Variants in RBFOX1 observed in about 807,000 individuals in gnomAD.
RBFOX1 encodes RNA binding fox-1 homolog 1, also known as RNA binding protein fox-1 homolog 1.
A neutral mutation model predicts 57.7 loss-of-function variants in RBFOX1; 8 were observed. That is an observed-to-expected ratio of 0.14 (90% CI 0.08 to 0.25). The LOEUF is 0.25. Ranked by LOEUF, RBFOX1 falls within the 10% of genes least tolerant of loss-of-function variation. The probability of loss-of-function intolerance (pLI) is 1.00; values close to 1 mark genes in which losing one functional copy is unlikely to be tolerated. For synonymous variants in RBFOX1, 326 were observed against 222.4 expected, an observed-to-expected ratio of 1.47 and a Z score of -4.15; for missense variants, 611 against 548.5, an observed-to-expected ratio of 1.11 and a Z score of -1.14.
In RBFOX1 at chr16:7,165,573, G is replaced by A. The variant is rs529926687; in HGVS notation, c.27+113475G>A. 7.2e-5 allele frequency among the ~76,000 whole-genome samples: 11 copies of A among 151,926 alleles called. No individual in the cohort carries two copies. The East Asian group carries it at 1.6e-3, about 22-fold the overall frequency. On this transcript the variant is annotated intron_variant, in intron 4 of 15. Coordinates refer to ENST00000550418, the MANE Select transcript of RBFOX1 (RefSeq NM_018723.4). ...GCCTCCTGAGTAGCTGGGATTACGGGCATGCACCACCACGCCCGGCTAATT... is the reference window on the plus strand; with the variant it reads ...GCCTCCTGAGTAGCTGGGATTACGGACATGCACCACCACGCCCGGCTAATT...
At chr16:6,125,538 G>T (rs1024579884) in intron 1 of RBFOX1, among the ~76,000 whole-genome samples, 1 of 152,190 alleles carries the variant, frequency 6.6e-6, no homozygotes, top group Non-Finnish European at 1.5e-5. Context: ...GTTAAACAAT[G>T]TGAATGCCAT....
intron 3 of RBFOX1, among the ~76,000 whole-genome samples, chr16:7,050,182 G>T (rs190783291): frequency 6.9e-5 from 10 of 145,666 alleles, no homozygotes; most frequent in East Asian, 6.1e-4. Context: ...TTATAGAATT[G>T]TACCAGTTTC....
chr16:7,065,513 T>C (rs2346256), intron 4 of RBFOX1, among the ~76,000 whole-genome samples: 1 of 151,838 alleles, frequency 6.6e-6, no homozygotes, highest in African/African-American at 2.4e-5. Flanking sequence ...CCCTTTTTAA[T>C]ACCATTTTTC....
intron 1 of RBFOX1, among the ~76,000 whole-genome samples, chr16:6,103,523 T>C (rs1437654212): frequency 1.3e-5 from 2 of 152,166 alleles, no homozygotes; most frequent in African/African-American, 4.8e-5. Flanking sequence ...GCATCAAAGT[T>C]GATGCCTTAT....
intron 1 of RBFOX1, among the ~76,000 whole-genome samples, chr16:5,263,489 C>G (rs535514093): frequency 6.6e-6 from 1 of 151,996 alleles, no homozygotes; most frequent in Non-Finnish European, 1.5e-5. Flanking sequence ...CATGTGGAGA[C>G]TTAAGTATGA....
chr16:6,808,231 A>C (rs953736736), intron 3 of RBFOX1, among the ~76,000 whole-genome samples: 5 of 151,124 alleles, frequency 3.3e-5, no homozygotes, highest in African/African-American at 1.2e-4. Context: ...AGCTTCCAGC[A>C]TGTAGCCTTT....
intron 4 of RBFOX1, among the ~76,000 whole-genome samples, chr16:7,052,535 G>A (rs557883502): frequency 1.2e-4 from 19 of 152,272 alleles, no homozygotes; most frequent in African/African-American, 4.1e-4. Context: ...TTTTCTGGGA[G>A]AATTTGTGTT....
chr16:6,897,843 G>T (rs1363081889), intron 3 of RBFOX1, among the ~76,000 whole-genome samples: 4 of 152,164 alleles, frequency 2.6e-5, no homozygotes. Context: ...GAGCCCTGCA[G>T]TTTCTGAGCT....
At chr16:7,056,183 C>A (rs2052183589) in intron 4 of RBFOX1, among the ~76,000 whole-genome samples, 1 of 152,140 alleles carries the variant, frequency 6.6e-6, no homozygotes, top group Non-Finnish European at 1.5e-5. Flanking sequence ...CCCTACCCTT[C>A]CCCAAAGAAG....
At chr16:6,611,661 T>C (rs951218322) in intron 2 of RBFOX1, among the ~76,000 whole-genome samples, 20 of 152,204 alleles carry the variant, frequency 1.3e-4, no homozygotes, top group African/African-American at 4.3e-4. Flanking sequence ...TCTTTGTGCT[T>C]TATCAGAGCA....
chr16:5,530,600 G>C (rs1373494781), intron 2 of RBFOX1, among the ~76,000 whole-genome samples: 1 of 152,122 alleles, frequency 6.6e-6, no homozygotes, highest in East Asian at 1.9e-4. Context: ...CTGTTGTTGG[G>C]GTGATATTCT....
chr16:6,541,838 T>A (rs1240847860), intron 2 of RBFOX1, among the ~76,000 whole-genome samples: 1 of 152,156 alleles, frequency 6.6e-6, no homozygotes, highest in Admixed American at 6.5e-5. Context: ...CAAACAACTT[T>A]AATGGTTCAG....
intron 1 of RBFOX1, among the ~76,000 whole-genome samples, chr16:6,203,804 A>C (rs904236674): frequency 1.2e-4 from 19 of 152,250 alleles, no homozygotes; most frequent in African/African-American, 4.1e-4. Context: ...GTGGCTCAAA[A>C]ACTTAAAAAT....
chr16:7,069,106 T>A (rs1324799336), intron 4 of RBFOX1, among the ~76,000 whole-genome samples: 2 of 152,218 alleles, frequency 1.3e-5, no homozygotes, highest in Non-Finnish European at 2.9e-5. Context: ...CTGACATTAT[T>A]TTATCACCCA....
At chr16:6,584,009 AAAAAG>A (rs926638699) in intron 2 of RBFOX1, among the ~76,000 whole-genome samples, 8 of 151,862 alleles carry the variant, frequency 5.3e-5, no homozygotes, top group African/African-American at 1.9e-4. Flanking sequence ...TTTAAAAAAA[AAAAAG>A]AAACTCAAAA....
intron 3 of RBFOX1, among the ~76,000 whole-genome samples, chr16:6,851,356 ATTTATAG>A (rs2094051972): frequency 6.6e-6 from 1 of 152,060 alleles, no homozygotes; most frequent in Admixed American, 6.5e-5. Flanking sequence ...TGGCTGTGAT[ATTTATAG>A]TTTTGTCAGA....
intron 4 of RBFOX1, among the ~76,000 whole-genome samples, chr16:7,058,952 C>G (rs953110524): frequency 6.6e-6 from 1 of 152,134 alleles, no homozygotes. Flanking sequence ...TTTAGAAATA[C>G]TGAAATCATG....
chr16:6,563,329 T>C (rs1451831270), intron 2 of RBFOX1, among the ~76,000 whole-genome samples: 1 of 152,210 alleles, frequency 6.6e-6, no homozygotes, highest in African/African-American at 2.4e-5. Context: ...CAGGCACTAT[T>C]CTAAGCATTT....
At chr16:5,521,885 T>C (rs753925714) in intron 2 of RBFOX1, among the ~76,000 whole-genome samples, 13 of 152,160 alleles carry the variant, frequency 8.5e-5, no homozygotes, top group Non-Finnish European at 1.2e-4. Context: ...GAGTCATGAG[T>C]GCCCAGGACA....
Sources: allele counts gnomAD v4.1 joint callset (sites outside exome capture counted in the v4.1 genomes callset), GRCh38; gene constraint gnomAD v4.1.1; transcripts MANE v1.5; gene names NCBI Gene and HGNC (gene_info 2026-07-23, HGNC 2026-07-21).